SNAPC4: variants seen among roughly 807,000 people sequenced by gnomAD.
The protein encoded by SNAPC4 is snRNA-activating protein complex subunit 4.
A neutral mutation model predicts 151.3 loss-of-function variants in SNAPC4; 127 were observed. That is an observed-to-expected ratio of 0.84 (90% CI 0.73 to 0.97). The LOEUF is 0.97. SNAPC4 is among the 50% of genes least tolerant of loss of function. The pLI is 0.00. For missense variants in SNAPC4, 2,186 were observed against 1,935.0 expected, an observed-to-expected ratio of 1.13 and a Z score of -2.43; for synonymous variants, 1,002 against 824.4, an observed-to-expected ratio of 1.22 and a Z score of -3.69.
rs1833833977 is a variant in SNAPC4, at chr9:136,384,796, A to G, written c.1344T>C (p.His448=). The stretch of plus-strand genomic sequence containing the variant: ...TCCACCGACCCTTTTTCAAGCTGAA[A>G]TGTAATCTCCTGAGATACCTGAACG... ...QCRDRYLRRL[H]FSLKKGRWNL... Residue 448 remains histidine (H), a synonymous_variant, in exon 14 of 24, where the codon CAT becomes CAC. Transcript: ENST00000684778. The G allele has an allele frequency of 6.3e-7, 1 of 1,592,326 alleles. No homozygotes were observed. The highest frequency in any genetic ancestry group is 8.6e-7 in the Non-Finnish European group (1 of 1,167,336).
rs1833727876 is a variant in SNAPC4, at chr9:136,382,307, C to T, written c.2013G>A (p.Val671=). The part of the protein sequence containing the change: ...EGGRRLLTVP[V]ETVLRVLRAN... ...CCCTGAGCACCCTCAGCACGGTCTCCACAGGCACTGTCAGCAGACGCCTCC... is the reference window on the plus strand; with the variant it reads ...CCCTGAGCACCCTCAGCACGGTCTCTACAGGCACTGTCAGCAGACGCCTCC... Residue 671 remains valine (V), a synonymous_variant, in exon 17 of 24, where the codon GTG becomes GTA. Transcript: ENST00000684778. 1.2e-6 allele frequency: 2 copies of T among 1,613,154 alleles called. No homozygotes were observed. Among genetic ancestry groups the T allele is most frequent in the East Asian group, 2.2e-5 (1 of 44,886 alleles).
chr9:136,379,348 A>AG, intron 21 of SNAPC4, 49 bp from the exon 22 acceptor site: 2 of 1,606,878 alleles, frequency 1.2e-6, no homozygotes, highest in South Asian at 1.1e-5. Flanking sequence ...CATCTGGCCC[A>AG]GGGACAGCCC....
chr9:136,377,777 C>T lies in SNAPC4; in HGVS notation c.4050G>A (p.Leu1350=), dbSNP rs1043819584. The T allele has an allele frequency of 6.8e-6, 11 of 1,611,698 alleles. No homozygotes were observed. The highest frequency in any genetic ancestry group is 1.3e-5 in the African/African-American group (1 of 74,910). Residue 1350 remains leucine (L), a synonymous_variant, in exon 22 of 24, where the codon CTG becomes CTA. Transcript: ENST00000684778. ...GGTTGTCCTGGAGCTGCCCCCGCACCAGCCCCAGTGAGGCTTGCAGTGCTC... is the reference window on the plus strand; with the variant it reads ...GGTTGTCCTGGAGCTGCCCCCGCACTAGCCCCAGTGAGGCTTGCAGTGCTC... The part of the protein sequence containing the change: ...PAGALQASLG[L]VRGQLQDNPA...
chr9:136,382,169 G>A (rs1833720176), intron 17 of SNAPC4, 84 bp downstream of exon 17: 2 of 1,585,882 alleles, frequency 1.3e-6, no homozygotes, highest in African/African-American at 1.3e-5. Flanking sequence ...CCCCCATCAG[G>A]GCATGATCGA....
rs182639248 is a variant in SNAPC4 at position 136,390,844 on chromosome 9, T to A, written c.975+1098A>T. On this transcript the variant is annotated intron_variant, in intron 10 of 23. Coordinates refer to ENST00000684778, the MANE Select transcript of SNAPC4 (RefSeq NM_003086.4). ...CCGATTTGTATTTATTTATTTATTT[T>A]TTTTTTTTTTGAGACGGAGTCTTGC... Among the ~76,000 whole-genome samples the A allele has an allele frequency of 9.9e-3, 1,495 of 151,588 alleles. 12 individuals carry two copies. The highest frequency in any genetic ancestry group is 0.023 in the African/African-American group (965 of 41,318).
chr9:136,383,274 G>A lies in SNAPC4; in HGVS notation c.1895C>T (p.Ala632Val), dbSNP rs375583446. ...GEETSPVQVP[A>V]RAHGPVPRSA... ...CCTCGGGACAGGGCCGTGGGCCCTG[G>A]CAGGGACCTGCACCGGACTCGTCTC... Residue 632 changes from alanine (A) to valine (V), a missense_variant, in exon 16 of 24, where the codon GCC becomes GTC. Coordinates refer to ENST00000684778, the MANE Select transcript of SNAPC4 (RefSeq NM_003086.4). This position sits in a 1 kb window ranked among gnomAD's most constrained non-coding sequence, Gnocchi z 4.2. 7 of 1,611,670 alleles carry A rather than the reference G, an allele frequency of 4.3e-6. No homozygotes were observed. Among genetic ancestry groups the A allele is most frequent in the Non-Finnish European group, 4.2e-6 (5 of 1,179,378 alleles).
intron 13 of SNAPC4, among the ~76,000 whole-genome samples, chr9:136,386,785 C>G (rs1312420423): frequency 1.3e-5 from 2 of 150,914 alleles, no homozygotes; most frequent in Non-Finnish European, 2.9e-5. Flanking sequence ...GACAGTCTTG[C>G]TCTGTCACCC....
At position 136,379,298 on chromosome 9, in the gene SNAPC4, G is replaced by A. The variant is rs1833603121; in HGVS notation, c.2529C>T (p.Gly843=). 6.2e-7 allele frequency: 1 copy of A among 1,612,554 alleles called. No homozygotes were observed. The highest frequency in any genetic ancestry group is 1.7e-5 in the Admixed American group (1 of 59,994). ...QASSSAQSTP[G]HLFPNVPAQE... is the part of the protein sequence containing the mutation. Reference sequence around the variant, plus strand: ...GAGCCGGCACGTTTGGGAAGAGGTGGCCTGTGGGGAGGAAAGACCCACACT... The same window carrying A: ...GAGCCGGCACGTTTGGGAAGAGGTGACCTGTGGGGAGGAAAGACCCACACT... The change falls in exon 22 of 24, where the codon GGC becomes GGT. Residue 843 remains glycine, a splice_region_variant and synonymous_variant. Coordinates refer to ENST00000684778, the MANE Select transcript of SNAPC4 (RefSeq NM_003086.4).
At chr9:136,393,014 C>T (rs960895059) in intron 7 of SNAPC4, among the ~76,000 whole-genome samples, 3 of 152,188 alleles carry the variant, frequency 2.0e-5, no homozygotes, top group East Asian at 1.9e-4. Context: ...TGCTGGCCCC[C>T]GTGTCTCAGA....
Position 136,392,121 on chromosome 9 carries a change from AC to A in SNAPC4, c.811-16del, listed in dbSNP as rs1564392264. Reference sequence around the variant, plus strand: ...CTGCCTTCAAACTGCACCGACAGAGACACTCAGCCTTGCAGGCCACTGACCC... The same window carrying A: ...CTGCCTTCAAACTGCACCGACAGAGAACTCAGCCTTGCAGGCCACTGACCC... On this transcript the variant is annotated splice_polypyrimidine_tract_variant and intron_variant, in intron 9 of 23. Coordinates refer to ENST00000684778, the MANE Select transcript of SNAPC4 (RefSeq NM_003086.4). 6.2e-7 allele frequency: 1 copy of A among 1,610,704 alleles called. No individual in the cohort carries two copies. The highest frequency in any genetic ancestry group is 1.3e-5 in the African/African-American group (1 of 74,858).
chr9:136,385,794 T>G (rs762268914), intron 13 of SNAPC4, among the ~76,000 whole-genome samples: 1 of 152,200 alleles, frequency 6.6e-6, no homozygotes. Context: ...GACCTCATGA[T>G]CTGTCCGCCT....
chr9:136,381,237 G>C, intron 19 of SNAPC4, 85 bp downstream of exon 19: 2 of 1,051,746 alleles, frequency 1.9e-6, no homozygotes, highest in South Asian at 2.6e-5. Context: ...TAGACTTTAA[G>C]GAATGAATCT....
chr9:136,387,618 G>T (rs1833933171), intron 12 of SNAPC4, 39 bp from the exon 13 acceptor site: 1 of 1,522,674 alleles, frequency 6.6e-7, no homozygotes, highest in East Asian at 2.2e-5. Context: ...AGCCTCTGCA[G>T]GTACGGCTGC....
Position 136,378,412 on chromosome 9 carries a change from T to C in SNAPC4, c.3415A>G (p.Asn1139Asp). 8 of 1,604,504 alleles carry C rather than the reference T, an allele frequency of 5.0e-6. No homozygotes were observed. Among genetic ancestry groups the C allele is most frequent in the Middle Eastern group, 3.3e-4 (2 of 6,034 alleles). Reference protein sequence around the residue: ...ALSSSWQPPANMNREPEPSCR... With the variant: ...ALSSSWQPPADMNREPEPSCR... ...GAAGGCTCCGGTTCCCTGTTCATAT[T>C]GGCTGGGGGCTGCCAAGAGCTGCTC... Residue 1139 changes from asparagine (N) to aspartate (D), a missense_variant, in exon 22 of 24, where the codon AAT (asparagine) becomes GAT (aspartate). By Grantham distance (23) the Asn-to-Asp change is conservative. Transcript: ENST00000684778.
chr9:136,387,727 G>A lies in SNAPC4; in HGVS notation c.1230+15C>T. On this transcript the variant is annotated intron_variant, in intron 12 of 23. Transcript: ENST00000684778. Reference sequence around the variant, plus strand: ...CTTCCCAGAGCCCAGTTCTCCTAGGGTCCCGCACACTTACAGCATCTTCCT... The same window carrying A: ...CTTCCCAGAGCCCAGTTCTCCTAGGATCCCGCACACTTACAGCATCTTCCT... 2 of 1,534,508 alleles carry A rather than the reference G, an allele frequency of 1.3e-6. No homozygotes were observed. The highest frequency in any genetic ancestry group is 1.8e-6 in the Non-Finnish European group (2 of 1,107,294).
At chr9:136,386,506 C>T (rs991998682) in intron 13 of SNAPC4, among the ~76,000 whole-genome samples, 1 of 149,646 alleles carries the variant, frequency 6.7e-6, no homozygotes, top group Non-Finnish European at 1.5e-5. Context: ...GTGATCTCGG[C>T]TCACTGCATC....
At chr9:136,392,225 G>T in intron 9 of SNAPC4, 119 bp from the exon 10 acceptor site, 2 of 1,286,794 alleles carry the variant, frequency 1.6e-6, no homozygotes, top group Non-Finnish European at 2.2e-6. Context: ...GCAAGTAAGC[G>T]CAATCTTCGT....
At position 136,397,451 on chromosome 9, in the gene SNAPC4, G is replaced by A. The variant is rs1408075278; in HGVS notation, c.131-428C>T. On this transcript the variant is annotated intron_variant, in intron 2 of 23. Transcript: ENST00000684778. ...GCAGGCCCTGGGTCTGGGAGAGGTGGGAAGCAAGGCTGGGGGGGTCTCCTG... is the reference window on the plus strand; with the variant it reads ...GCAGGCCCTGGGTCTGGGAGAGGTGAGAAGCAAGGCTGGGGGGGTCTCCTG... 4.1e-5 allele frequency among the ~76,000 whole-genome samples: 6 copies of A among 145,366 alleles called. No homozygotes were observed. In the East Asian group the frequency reaches 1.3e-3, roughly 31 times the overall value.
At chr9:136,398,712 G>A in intron 1 of SNAPC4, 1 of 354,798 alleles carries the variant, frequency 2.8e-6, no homozygotes, top group Non-Finnish European at 5.3e-6. Flanking sequence ...CAGGCAGGGA[G>A]TGGATGAACA....
Sources: gnomAD v4.1 joint callset for allele counts (sites outside exome capture counted in the v4.1 genomes callset) on GRCh38, gnomAD v4.1.1 for gene constraint, Gnocchi (gnomAD v3.1) non-coding constraint, MANE v1.5 for transcripts, NCBI Gene and HGNC (gene_info 2026-07-23, HGNC 2026-07-21) for gene names.